The following PAM variants were observed in gnomAD, a reference collection of about 807,000 sequenced individuals.
The protein encoded by PAM is peptidyl-glycine alpha-amidating monooxygenase.
In PAM, 72 loss-of-function variants were observed where a neutral mutation model predicts 122.1. The observed-to-expected ratio is 0.59, with a 90% confidence interval of 0.49 to 0.72. PAM has a LOEUF of 0.72. Among genes scored for constraint, PAM ranks in the 30% least tolerant of loss-of-function variants. The probability of loss-of-function intolerance (pLI) is 0.00; values close to 1 mark genes in which losing one functional copy is unlikely to be tolerated. For synonymous variants in PAM, 389 were observed against 404.4 expected (o/e 0.96, Z 0.46); for missense variants, 1,106 against 1,183.7 (o/e 0.93, Z 0.96).
intron 1 of PAM, among the ~76,000 whole-genome samples, chr5:102,802,885 A>G (rs1357418220): frequency 6.6e-6 from 1 of 152,072 alleles, no homozygotes; most frequent in East Asian, 1.9e-4. Context: ...CCCTTTTTGA[A>G]AATGAGGAAG....
At chr5:102,856,851 G>A (rs1159830883) in intron 1 of PAM, among the ~76,000 whole-genome samples, 1 of 151,948 alleles carries the variant, frequency 6.6e-6, no homozygotes, top group Non-Finnish European at 1.5e-5. Flanking sequence ...CTTCAAATTG[G>A]CTGCATGTTA....
intron 1 of PAM, among the ~76,000 whole-genome samples, chr5:102,758,956 C>T (rs1751500701): frequency 6.6e-6 from 1 of 152,144 alleles, no homozygotes; most frequent in Non-Finnish European, 1.5e-5. Context: ...TTTTTTCATT[C>T]ATTTATGCAA....
chr5:102,776,970 AT>A (rs1409706831), intron 1 of PAM, among the ~76,000 whole-genome samples: 2 of 151,704 alleles, frequency 1.3e-5, no homozygotes, highest in East Asian at 3.9e-4. Context: ...GTATTTTCTG[AT>A]TTGTTTTTGC....
At chr5:102,864,810 T>G (rs75801753) in intron 1 of PAM, among the ~76,000 whole-genome samples, 2,217 of 152,342 alleles carry the variant, frequency 0.015, 24 homozygotes, top group African/African-American at 0.029. Context: ...AAGTACAGTA[T>G]TTTTATATTG....
intron 24 of PAM, among the ~76,000 whole-genome samples, chr5:103,027,561 A>G (rs1323685144): frequency 6.6e-6 from 1 of 152,152 alleles, no homozygotes; most frequent in Non-Finnish European, 1.5e-5. Context: ...TTATGGAGAT[A>G]GGCAGTCCTG....
At chr5:102,776,663 CA>C (rs1192899610) in intron 1 of PAM, among the ~76,000 whole-genome samples, 5 of 152,044 alleles carry the variant, frequency 3.3e-5, no homozygotes, top group Non-Finnish European at 7.4e-5. Flanking sequence ...GGTAAAGAAA[CA>C]GATAAAATTT....
chr5:102,943,269 G>A (rs563207503), intron 7 of PAM, among the ~76,000 whole-genome samples: 2 of 152,256 alleles, frequency 1.3e-5, no homozygotes, highest in South Asian at 4.1e-4. Context: ...ATCTAAGAAC[G>A]TAAGATGTAG....
At chr5:103,017,199 A>G (rs1782265047) in intron 21 of PAM, 135 bp from the exon 22 acceptor site, 3 of 643,080 alleles carry the variant, frequency 4.7e-6, no homozygotes, top group South Asian at 2.1e-5. Flanking sequence ...GGTTGCTTCA[A>G]TAGGAAATAT....
Position 102,790,964 on chromosome 5 carries a change from TACAA to T in PAM, c.-374+35620_-374+35623del, listed in dbSNP as rs898252361. 4.7e-4 allele frequency among the ~76,000 whole-genome samples: 71 copies of T among 152,096 alleles called. 1 individual carries two copies. Among genetic ancestry groups the T allele is most frequent in the Non-Finnish European group, 1.0e-4 (7 of 67,960 alleles). ...TTCTGTTCATGCATATATGCACATA[TACAA>T]ACAGAGATTCAAAACCATAAGACAT... is the stretch of plus-strand genomic sequence containing the variant. On this transcript the variant is annotated intron_variant, in intron 1 of 25. Coordinates refer to ENST00000438793, the MANE Select transcript of PAM (RefSeq NM_001177306.2).
intron 1 of PAM, among the ~76,000 whole-genome samples, chr5:102,761,615 T>G (rs996062479): frequency 2.6e-5 from 4 of 152,254 alleles, no homozygotes; most frequent in African/African-American, 9.6e-5. Context: ...CAAAGTAAGT[T>G]TGTTTTAAAA....
intron 1 of PAM, among the ~76,000 whole-genome samples, chr5:102,796,105 G>C (rs1418761979): frequency 9.2e-5 from 14 of 152,156 alleles, no homozygotes. Flanking sequence ...CTTGGAAGAG[G>C]CACTGGACAT....
chr5:102,918,631 A>G (rs1040818997), intron 5 of PAM, among the ~76,000 whole-genome samples: 1 of 152,004 alleles, frequency 6.6e-6, no homozygotes, highest in African/African-American at 2.4e-5. Context: ...CTCTTAATCA[A>G]TTTTTTAAAT....
chr5:102,795,533 A>G (rs561130395), intron 1 of PAM, among the ~76,000 whole-genome samples: 8 of 152,344 alleles, frequency 5.3e-5, no homozygotes, highest in Admixed American at 1.3e-4. Context: ...GTATCAGGCT[A>G]GCTAATTTCC....
chr5:102,808,103 CTGA>C (rs1035878287), intron 1 of PAM: 1 of 152,162 alleles, frequency 6.6e-6, no homozygotes. Context: ...CAAGTCTCTC[CTGA>C]TGATGTCAGT....
chr5:102,755,232 C>T (rs1749740596), upstream of PAM: 1 of 152,522 alleles, frequency 6.6e-6, no homozygotes, highest in African/African-American at 2.4e-5. Flanking sequence ...CCGCCGCTGC[C>T]TCCGCGTGCT....
At chr5:102,901,447 T>A (rs762738811) in intron 4 of PAM, 34 bp downstream of exon 4, 1 of 1,167,386 alleles carries the variant, frequency 8.6e-7, no homozygotes, top group Non-Finnish European at 1.3e-6. Context: ...AGTAGCAGTT[T>A]AATGGAGGGC....
intron 21 of PAM, 81 bp from the exon 22 acceptor site, chr5:103,017,253 C>T: frequency 1.1e-6 from 1 of 901,052 alleles, no homozygotes. Flanking sequence ...TTGTTGTGGG[C>T]TTTGCTTTGT....
At chr5:102,781,558 T>TC (rs1412215870) in intron 1 of PAM, among the ~76,000 whole-genome samples, 2 of 152,228 alleles carry the variant, frequency 1.3e-5, no homozygotes, top group Non-Finnish European at 2.9e-5. Context: ...GGCTTTGGTG[T>TC]CCCCTGTGCT....
At chr5:102,839,398 G>A (rs910617438) in intron 1 of PAM, among the ~76,000 whole-genome samples, 5 of 151,894 alleles carry the variant, frequency 3.3e-5, no homozygotes, top group African/African-American at 1.2e-4. Flanking sequence ...TTGGCCAGGC[G>A]TGGTGGTATG....
Sources: allele counts gnomAD v4.1 joint callset (sites outside exome capture counted in the v4.1 genomes callset), GRCh38; gene constraint gnomAD v4.1.1; transcripts MANE v1.5; gene names NCBI Gene and HGNC (gene_info 2026-07-23, HGNC 2026-07-21).